SHISA6: variants seen among roughly 807,000 people sequenced by gnomAD.
The protein encoded by SHISA6 is shisa family member 6.
Under a neutral mutation model 47.9 loss-of-function variants are expected in SHISA6, and 22 were observed. The observed-to-expected ratio is 0.46, with a 90% confidence interval of 0.33 to 0.66. The LOEUF (loss-of-function observed/expected upper bound fraction) is 0.66, where lower values mean the gene tolerates loss of function less well. Ranked by LOEUF, SHISA6 falls within the 30% of genes least tolerant of loss-of-function variation. SHISA6 has a pLI of 0.02. For missense variants in SHISA6, 680 were observed against 764.6 expected (o/e 0.89, Z 1.30); for synonymous variants, 388 against 337.8 (o/e 1.15, Z -1.63).
chr17:11,408,343 C>A (rs538919605), intron 3 of SHISA6, among the ~76,000 whole-genome samples: 1 of 152,270 alleles, frequency 6.6e-6, no homozygotes, highest in South Asian at 2.1e-4. Context: ...GTTAGAAGTG[C>A]AAATTCTTGG....
intron 2 of SHISA6, among the ~76,000 whole-genome samples, chr17:11,316,953 C>G (rs1201313466): frequency 6.6e-6 from 1 of 152,064 alleles, no homozygotes; most frequent in Non-Finnish European, 1.5e-5. Flanking sequence ...ATATTCCAGA[C>G]AGTTATGATT....
chr17:11,450,878 C>G (rs946430378), intron 3 of SHISA6, among the ~76,000 whole-genome samples: 4 of 151,936 alleles, frequency 2.6e-5, no homozygotes, highest in East Asian at 1.9e-4. Flanking sequence ...GAACCTTGCC[C>G]CTCAAGCGCT....
Position 11,561,608 on chromosome 17 carries a change from C to G in SHISA6, c.*3304C>G, listed in dbSNP as rs2072044128. 1 of 152,308 alleles carries G rather than the reference C, an allele frequency of 6.6e-6. No homozygotes were observed. Among genetic ancestry groups the G allele is most frequent in the Non-Finnish European group, 1.5e-5 (1 of 68,134 alleles). 9.4% of individuals were successfully genotyped at this position (152,308 alleles called of 1,614,324 possible). On this transcript the variant is annotated 3_prime_UTR_variant, in exon 6 of 6. Transcript: ENST00000441885. ...GCCCCCAATTCAAATTTCTCCTCCC[C>G]TCTTTCCACTCTCCCTCCCAGAAAC...
At chr17:11,515,048 C>T (rs1448129053) in intron 3 of SHISA6, among the ~76,000 whole-genome samples, 1 of 152,024 alleles carries the variant, frequency 6.6e-6, no homozygotes, top group Non-Finnish European at 1.5e-5. Flanking sequence ...CCTTTAGAGA[C>T]CACAGTGGGT....
In SHISA6 at chr17:11,282,380, A is replaced by G. The variant is rs190825970; in HGVS notation, c.799+18854A>G. Among the ~76,000 whole-genome samples, 13 of 150,456 alleles carry G rather than the reference A, an allele frequency of 8.6e-5. No individual in the cohort carries two copies. The East Asian group carries it at 2.6e-3, about 30-fold the overall frequency. Reference sequence around the variant, plus strand: ...AGGGGCAAGAGAGCAAAGGATTTGGACTAGATACGTGGTATTTCTTCTTTT... The same window carrying G: ...AGGGGCAAGAGAGCAAAGGATTTGGGCTAGATACGTGGTATTTCTTCTTTT... On this transcript the variant is annotated intron_variant, in intron 2 of 5. Coordinates refer to ENST00000441885, the MANE Select transcript of SHISA6 (RefSeq NM_207386.4).
At chr17:11,354,759 C>T (rs1468237373) in intron 2 of SHISA6, among the ~76,000 whole-genome samples, 1 of 152,142 alleles carries the variant, frequency 6.6e-6, no homozygotes, top group African/African-American at 2.4e-5. Context: ...CACCCCCTAT[C>T]CTCAGTCAGT....
intron 3 of SHISA6, among the ~76,000 whole-genome samples, chr17:11,432,157 T>G (rs1325036527): frequency 6.6e-6 from 1 of 152,136 alleles, no homozygotes. Context: ...GAGATGGTGG[T>G]GGAAGAATGG....
chr17:11,543,356 A>G (rs1270965174), intron 3 of SHISA6, among the ~76,000 whole-genome samples: 1 of 152,208 alleles, frequency 6.6e-6, no homozygotes, highest in Non-Finnish European at 1.5e-5. Context: ...TTCTACTGGA[A>G]TTAGTTAATT....
intron 3 of SHISA6, among the ~76,000 whole-genome samples, chr17:11,472,955 C>G (rs949965114): frequency 6.6e-6 from 1 of 152,240 alleles, no homozygotes; most frequent in East Asian, 1.9e-4. Context: ...CTATATATCT[C>G]CTTTGGTGAT....
At chr17:11,384,934 G>A (rs549444139) in intron 3 of SHISA6, among the ~76,000 whole-genome samples, 15 of 152,162 alleles carry the variant, frequency 9.9e-5, no homozygotes, top group South Asian at 2.1e-4. Context: ...GCGATTGCCC[G>A]TTTTTCCATT....
intron 3 of SHISA6, among the ~76,000 whole-genome samples, chr17:11,457,779 C>T (rs948479194): frequency 8.1e-5 from 11 of 136,472 alleles, no homozygotes; most frequent in African/African-American, 3.1e-4. Context: ...AGATAGATGC[C>T]TTCCATAAAA....
intron 3 of SHISA6, among the ~76,000 whole-genome samples, chr17:11,470,500 C>A (rs546239052): frequency 6.6e-6 from 1 of 152,268 alleles, no homozygotes; most frequent in Admixed American, 6.5e-5. Flanking sequence ...CCAAGGTCAC[C>A]CCAAACTCCA....
intron 1 of SHISA6, among the ~76,000 whole-genome samples, chr17:11,242,767 G>A (rs745980003): frequency 1.2e-4 from 18 of 152,274 alleles, no homozygotes; most frequent in Non-Finnish European, 2.2e-4. Flanking sequence ...GCTTACGTTC[G>A]AAAGACAGTG....
At chr17:11,423,746 A>C (rs1914526959) in intron 3 of SHISA6, among the ~76,000 whole-genome samples, 1 of 152,162 alleles carries the variant, frequency 6.6e-6, no homozygotes, top group East Asian at 1.9e-4. Flanking sequence ...GAAGCTGAAA[A>C]GGAACATAAA....
At chr17:11,386,705 C>T (rs76405728) in intron 3 of SHISA6, among the ~76,000 whole-genome samples, 5,348 of 152,198 alleles carry the variant, frequency 0.035, 178 homozygotes, top group Admixed American at 0.088. Context: ...ACAGCTCAGG[C>T]GGGGCGCTGG....
At chr17:11,550,558 G>A (rs1408211854) in intron 3 of SHISA6, among the ~76,000 whole-genome samples, 1 of 152,164 alleles carries the variant, frequency 6.6e-6, no homozygotes, top group Admixed American at 6.6e-5. Context: ...GGGATACACT[G>A]GATATGGAGA....
intron 2 of SHISA6, among the ~76,000 whole-genome samples, chr17:11,373,781 C>T (rs1275125534): frequency 1.3e-5 from 2 of 152,148 alleles, no homozygotes; most frequent in East Asian, 1.9e-4. Context: ...TGTGTGAGTA[C>T]ACCACTATTT....
At chr17:11,538,589 G>T (rs1428030943) in intron 3 of SHISA6, among the ~76,000 whole-genome samples, 1 of 152,176 alleles carries the variant, frequency 6.6e-6, no homozygotes, top group Non-Finnish European at 1.5e-5. Context: ...ATTGCCCAAA[G>T]TGTGGGCCAG....
intron 1 of SHISA6, among the ~76,000 whole-genome samples, chr17:11,246,209 C>T (rs537927747): frequency 5.3e-5 from 8 of 152,150 alleles, no homozygotes; most frequent in East Asian, 1.9e-4. Context: ...AAAAATGCTT[C>T]GCCGGGTGCG....
Sources: allele counts gnomAD v4.1 joint callset (sites outside exome capture counted in the v4.1 genomes callset), GRCh38; gene constraint gnomAD v4.1.1; transcripts MANE v1.5; gene names NCBI Gene and HGNC (gene_info 2026-07-23, HGNC 2026-07-21).